Variants in MATCAP2 observed in about 807,000 individuals in gnomAD.
MATCAP2 encodes the protein microtubule associated tyrosine carboxypeptidase 2, also known as putative tyrosine carboxypeptidase MATCAP2.
chr7:36,354,505 GGTAGAAGCCAGAGACCA>G, the MATCAP2 span, among the ~76,000 whole-genome samples: 2 of 152,228 alleles, frequency 1.3e-5, no homozygotes, highest in East Asian at 3.8e-4. Flanking sequence ...AGGCCTCAAA[GGTAGAAGCCAGAGACCA>G]TGGGGCTAGT....
the MATCAP2 span, among the ~76,000 whole-genome samples, chr7:36,372,286 C>A: frequency 6.6e-6 from 1 of 151,840 alleles, no homozygotes; most frequent in Non-Finnish European, 1.5e-5. Flanking sequence ...CGCCTCAGGG[C>A]AAACTGTGAA....
chr7:36,367,152 C>T, the MATCAP2 span: 12 of 1,217,070 alleles, frequency 9.9e-6, no homozygotes, highest in African/African-American at 1.9e-4. Context: ...CCCGTAGCTA[C>T]TGGAAGGTAC....
At chr7:36,364,689 G>A in the MATCAP2 span, among the ~76,000 whole-genome samples, 7 of 152,246 alleles carry the variant, frequency 4.6e-5, no homozygotes, top group African/African-American at 1.4e-4. Flanking sequence ...TCAATGAATC[G>A]TGAGGGAATG....
the MATCAP2 span, among the ~76,000 whole-genome samples, chr7:36,385,788 A>AAAAT: frequency 3.7e-4 from 11 of 29,492 alleles, no homozygotes; most frequent in African/African-American, 1.6e-3. Flanking sequence ...CCTATTTCAA[A>AAAAT]AAATAAAATA....
the MATCAP2 span, among the ~76,000 whole-genome samples, chr7:36,366,267 T>C: frequency 6.6e-6 from 1 of 152,206 alleles, no homozygotes; most frequent in South Asian, 2.1e-4. Flanking sequence ...TAAGGTTTTT[T>C]TTAATAGCTA....
chr7:36,373,662 T>C, the MATCAP2 span, among the ~76,000 whole-genome samples: 1 of 152,124 alleles, frequency 6.6e-6, no homozygotes, highest in Admixed American at 6.6e-5. Flanking sequence ...CCTAGACTAG[T>C]CTGGGACTCT....
chr7:36,339,471 C>T, the MATCAP2 span, among the ~76,000 whole-genome samples: 29 of 152,108 alleles, frequency 1.9e-4, no homozygotes, highest in Non-Finnish European at 4.1e-4. Context: ...ACCTTCATGC[C>T]TATTGATTCA....
At chr7:36,329,173 AG>A in the MATCAP2 span, among the ~76,000 whole-genome samples, 1 of 152,182 alleles carries the variant, frequency 6.6e-6, no homozygotes, top group Non-Finnish European at 1.5e-5. Context: ...TAATCAAAAT[AG>A]GTTTGTTGAT....
chr7:36,347,917 T>C, the MATCAP2 span, among the ~76,000 whole-genome samples: 1 of 152,202 alleles, frequency 6.6e-6, no homozygotes, highest in African/African-American at 2.4e-5. Flanking sequence ...TTTTCCAGAC[T>C]TTCTTGAGGG....
At chr7:36,326,547 A>C in the MATCAP2 span, 2 of 363,910 alleles carry the variant, frequency 5.5e-6, no homozygotes. Flanking sequence ...GATTCAGAAA[A>C]TAGGAATAAC....
chr7:36,371,644 G>A, the MATCAP2 span, among the ~76,000 whole-genome samples: 1 of 152,268 alleles, frequency 6.6e-6, no homozygotes, highest in Admixed American at 6.5e-5. Flanking sequence ...ACCTTGATAG[G>A]GGATAGAGGC....
chr7:36,358,216 G>A, the MATCAP2 span, among the ~76,000 whole-genome samples: 6 of 151,440 alleles, frequency 4.0e-5, no homozygotes, highest in African/African-American at 9.7e-5. Flanking sequence ...AAAAGAATGT[G>A]GATTTCATAG....
the MATCAP2 span, chr7:36,355,073 A>G: frequency 6.6e-6 from 1 of 152,210 alleles, no homozygotes; most frequent in Non-Finnish European, 1.5e-5. Flanking sequence ...CATCAGGGGG[A>G]AAATGCAAAT....
At chr7:36,382,717 T>A in the MATCAP2 span, among the ~76,000 whole-genome samples, 3 of 152,120 alleles carry the variant, frequency 2.0e-5, no homozygotes, top group Non-Finnish European at 4.4e-5. Flanking sequence ...ATGGTCTCGA[T>A]CTCCTGACCT....
the MATCAP2 span, among the ~76,000 whole-genome samples, chr7:36,384,625 A>G: frequency 1.3e-5 from 2 of 152,222 alleles, no homozygotes; most frequent in Non-Finnish European, 2.9e-5. Flanking sequence ...AATGTGATGA[A>G]GAAGTCAGAG....
chr7:36,382,119 C>T, the MATCAP2 span, among the ~76,000 whole-genome samples: 1 of 151,322 alleles, frequency 6.6e-6, no homozygotes, highest in Non-Finnish European at 1.5e-5. Flanking sequence ...ATGGTGAAAA[C>T]CTGTCTCCAC....
the MATCAP2 span, among the ~76,000 whole-genome samples, chr7:36,388,251 G>A: frequency 6.6e-6 from 1 of 151,470 alleles, no homozygotes; most frequent in Admixed American, 6.6e-5. Flanking sequence ...TAGGTAGAGG[G>A]TCAGTTTTAA....
At chr7:36,336,262 A>G in the MATCAP2 span, 4 of 1,532,950 alleles carry the variant, frequency 2.6e-6, no homozygotes, top group South Asian at 1.2e-5. Flanking sequence ...CATAACTTCC[A>G]TATTTCTGTA....
the MATCAP2 span, among the ~76,000 whole-genome samples, chr7:36,344,926 A>T: frequency 6.6e-6 from 1 of 152,164 alleles, no homozygotes; most frequent in Non-Finnish European, 1.5e-5. Flanking sequence ...AACATTACAA[A>T]TTTTCATAAA....
Sources: allele counts gnomAD v4.1 joint callset (sites outside exome capture counted in the v4.1 genomes callset), GRCh38; gene constraint gnomAD v4.1.1; transcripts MANE v1.5; gene names NCBI Gene and HGNC (gene_info 2026-07-23, HGNC 2026-07-21).